ADGB: variants seen among roughly 807,000 people sequenced by gnomAD.
ADGB encodes androglobin.
In ADGB, 172 loss-of-function variants were observed where a neutral mutation model predicts 210.5. The ratio of observed to expected loss-of-function variants is 0.82; its 90% CI spans 0.72 to 0.93. The LOEUF (loss-of-function observed/expected upper bound fraction) is 0.93. ADGB is among the 40% of genes least tolerant of loss of function. The pLI, the probability that ADGB is intolerant of heterozygous loss-of-function variation, is 0.00. For synonymous variants in ADGB, 658 were observed against 662.7 expected (o/e 0.99, Z 0.11); for missense variants, 2,025 against 1,964.8 (o/e 1.03, Z -0.58).
intron 6 of ADGB, among the ~76,000 whole-genome samples, 167 bp from the exon 7 acceptor site, chr6:146,666,649 A>C (rs145346600): frequency 0.015 from 2,279 of 152,092 alleles, 59 homozygotes; most frequent in African/African-American, 0.051. Context: ...TATAAATCCT[A>C]CTTCAGTGTT....
chr6:146,799,161 A>T (rs183565357), intron 33 of ADGB, among the ~76,000 whole-genome samples: 2 of 152,132 alleles, frequency 1.3e-5, no homozygotes, highest in South Asian at 2.1e-4. Flanking sequence ...CTACAAAAAA[A>T]CCTATGGCCT....
At chr6:146,790,354 AC>A (rs1562301852) in intron 33 of ADGB, among the ~76,000 whole-genome samples, 2 of 151,706 alleles carry the variant, frequency 1.3e-5, no homozygotes, top group Admixed American at 1.3e-4. Context: ...CTACACTATG[AC>A]CCCCCAGCCT....
chr6:146,704,646 C>G (rs1488833729), intron 13 of ADGB, among the ~76,000 whole-genome samples: 1 of 151,928 alleles, frequency 6.6e-6, no homozygotes, highest in Admixed American at 6.6e-5. Context: ...TTCCATTGGT[C>G]TATTTTTATG....
intron 3 of ADGB, among the ~76,000 whole-genome samples, chr6:146,647,467 TG>T (rs1775636286): frequency 6.6e-6 from 1 of 152,046 alleles, no homozygotes. Flanking sequence ...AGGAAGAGTG[TG>T]TTCAAGGTTA....
chr6:146,695,502 A>G (rs913999771), intron 12 of ADGB, among the ~76,000 whole-genome samples: 3 of 152,096 alleles, frequency 2.0e-5, no homozygotes, highest in African/African-American at 7.2e-5. Context: ...TGATTAAAAT[A>G]TTAAAATATT....
intron 23 of ADGB, among the ~76,000 whole-genome samples, chr6:146,739,603 G>A (rs1303620268): frequency 1.3e-5 from 2 of 152,020 alleles, no homozygotes; most frequent in African/African-American, 4.8e-5. Context: ...CTTCCATGAG[G>A]ACCACCATGG....
chr6:146,625,574 T>A (rs1780960439), intron 1 of ADGB, among the ~76,000 whole-genome samples: 1 of 152,058 alleles, frequency 6.6e-6, no homozygotes, highest in African/African-American at 2.4e-5. Flanking sequence ...TTCCTTGTGT[T>A]AATAAGTGAG....
At position 146,736,581 on chromosome 6, in the gene ADGB, T is replaced by C. The variant is rs12209194; in HGVS notation, c.2878T>C (p.Ser960Pro). 1.9e-6 allele frequency: 3 copies of C among 1,546,922 alleles called. No individual in the cohort carries two copies. The highest frequency in any genetic ancestry group is 1.2e-5 in the South Asian group (1 of 83,344). ...LEMNLEQYAV[S>P]LLRLMFKSKC... ...AATGAATTTAGAACAGTATGCAGTT[T>C]CTCTCTTAAGGTAAAGCAGTCAAAT... The change falls in exon 23 of 36, where the codon TCT (serine) becomes CCT (proline). Residue 960 changes from serine (S) to proline (P), a missense_variant. Coordinates refer to ENST00000397944, the MANE Select transcript of ADGB (RefSeq NM_024694.4).
intron 15 of ADGB, 114 bp from the exon 16 acceptor site, chr6:146,717,422 C>T (rs1776752112): frequency 3.3e-6 from 2 of 614,106 alleles, no homozygotes; most frequent in Non-Finnish European, 5.6e-6. Context: ...TGACCCAATA[C>T]TGTTGTTATT....
At chr6:146,691,443 A>ATATAT (rs1562275550) in intron 11 of ADGB, among the ~76,000 whole-genome samples, 153 bp downstream of exon 11, 1 of 21,284 alleles carries the variant, frequency 4.7e-5, no homozygotes, top group Non-Finnish European at 7.1e-5. Flanking sequence ...TATATATATA[A>ATATAT]AAATATATAT....
chr6:146,631,970 A>G (rs569869395), intron 1 of ADGB, among the ~76,000 whole-genome samples: 1 of 151,772 alleles, frequency 6.6e-6, no homozygotes, highest in Non-Finnish European at 1.5e-5. Flanking sequence ...CATTAAAAAA[A>G]AAAAAAAACA....
At chr6:146,791,079 G>A (rs117626743) in intron 33 of ADGB, among the ~76,000 whole-genome samples, 2,571 of 152,166 alleles carry the variant, frequency 0.017, 27 homozygotes, top group Middle Eastern at 0.031. Flanking sequence ...TTCCTTGTAT[G>A]TATTGAATAT....
intron 35 of ADGB, 102 bp from the exon 36 acceptor site, chr6:146,814,930 T>C: frequency 1.8e-6 from 2 of 1,103,286 alleles, no homozygotes; most frequent in South Asian, 1.7e-5. Flanking sequence ...CCTATGAATG[T>C]GTGGGCGTAA....
chr6:146,623,120 A>T (rs945055747), intron 1 of ADGB, among the ~76,000 whole-genome samples: 3 of 151,748 alleles, frequency 2.0e-5, no homozygotes, highest in African/African-American at 7.3e-5. Flanking sequence ...TTAGTCTTTG[A>T]ATATGTTTCT....
At chr6:146,786,073 A>G (rs1185545053) in intron 32 of ADGB, among the ~76,000 whole-genome samples, 1 of 150,082 alleles carries the variant, frequency 6.7e-6, no homozygotes, top group Non-Finnish European at 1.5e-5. Flanking sequence ...TTAGAAAGGT[A>G]CCAGACTTAA....
intron 25 of ADGB, among the ~76,000 whole-genome samples, chr6:146,745,590 G>T (rs532037205): frequency 6.6e-6 from 1 of 152,200 alleles, no homozygotes; most frequent in Non-Finnish European, 1.5e-5. Flanking sequence ...GGGCTACTCT[G>T]GGATGGTGCA....
chr6:146,739,741 C>T (rs903434932), intron 23 of ADGB, among the ~76,000 whole-genome samples: 3 of 152,164 alleles, frequency 2.0e-5, no homozygotes, highest in African/African-American at 7.2e-5. Context: ...CAGCTAATAC[C>T]TGAGACATCA....
chr6:146,691,925 T>A (rs1464845957), intron 11 of ADGB, among the ~76,000 whole-genome samples: 1 of 151,956 alleles, frequency 6.6e-6, no homozygotes, highest in Admixed American at 6.6e-5. Context: ...CCCTCCTTCC[T>A]TCCTTGTCTC....
intron 1 of ADGB, 118 bp from the exon 2 acceptor site, chr6:146,635,256 TA>T: frequency 2.2e-6 from 2 of 902,584 alleles, no homozygotes; most frequent in Non-Finnish European, 1.5e-6. Context: ...ATGATTGTAT[TA>T]AAAATGTAGT....
Sources: allele counts gnomAD v4.1 joint callset (sites outside exome capture counted in the v4.1 genomes callset), GRCh38; gene constraint gnomAD v4.1.1; transcripts MANE v1.5; gene names NCBI Gene and HGNC (gene_info 2026-07-23, HGNC 2026-07-21).